The following SNTG2 variants were observed in gnomAD, a reference collection of about 807,000 sequenced individuals.
SNTG2 encodes the protein gamma-2-syntrophin.
A neutral mutation model predicts 70.9 loss-of-function variants in SNTG2; 74 were observed. The observed-to-expected ratio is 1.04, with a 90% CI of 0.86 to 1.27. The LOEUF (loss-of-function observed/expected upper bound fraction) is 1.27, where lower values mean the gene tolerates loss of function less well. Ranked by LOEUF, SNTG2 falls within the 50% of genes most tolerant of loss-of-function variation. The pLI is 0.00. For missense variants in SNTG2, 717 were observed against 690.7 expected, an observed-to-expected ratio of 1.04 and a Z score of -0.43; for synonymous variants, 278 against 273.8, an observed-to-expected ratio of 1.02 and a Z score of -0.15.
intron 6 of SNTG2, among the ~76,000 whole-genome samples, chr2:1,164,863 G>A (rs1670602002): frequency 6.6e-6 from 1 of 152,242 alleles, no homozygotes; most frequent in Non-Finnish European, 1.5e-5. Context: ...GCAGAGGAGG[G>A]TTATGCATTA....
intron 1 of SNTG2, among the ~76,000 whole-genome samples, chr2:1,082,794 C>G (rs1664421171): frequency 1.3e-5 from 2 of 152,240 alleles, no homozygotes; most frequent in East Asian, 3.8e-4. Flanking sequence ...CCCTGACTCT[C>G]CCGGAGGAGG....
intron 1 of SNTG2, among the ~76,000 whole-genome samples, chr2:954,785 G>C (rs1203021443): frequency 6.6e-6 from 1 of 152,130 alleles, no homozygotes; most frequent in South Asian, 2.1e-4. Context: ...TCCAGGGACC[G>C]TGCTGCTTCT....
Position 1,165,649 on chromosome 2 carries a change from G to C in SNTG2, c.499+14G>C. The C allele has an allele frequency of 6.2e-7, 1 of 1,601,972 alleles. No individual in the cohort carries two copies. The highest frequency in any genetic ancestry group is 8.5e-7 in the Non-Finnish European group (1 of 1,172,700). ...AGCTCCCGTTAGGTAAGTGGGAAGA[G>C]GAGAAATGCCAGGGTGCTGGAGAAA... On this transcript the variant is annotated intron_variant, in intron 7 of 16. Transcript: ENST00000308624.
intron 4 of SNTG2, among the ~76,000 whole-genome samples, chr2:1,118,258 C>CGCTGAGAAAGATCCCCTCA (rs1161871476): frequency 1.3e-5 from 2 of 152,060 alleles, no homozygotes; most frequent in Non-Finnish European, 2.9e-5. Context: ...TCAGACCCTG[C>CGCTGAGAAAGATCCCCTCA]GCTGAGAAAG....
chr2:1,081,709 G>A (rs1664309115), intron 1 of SNTG2, among the ~76,000 whole-genome samples: 1 of 152,216 alleles, frequency 6.6e-6, no homozygotes, highest in Admixed American at 6.5e-5. Flanking sequence ...AGCCGTGGCA[G>A]CACTCCCAGT....
At chr2:1,179,035 G>A (rs1389467798) in intron 8 of SNTG2, among the ~76,000 whole-genome samples, 4 of 151,952 alleles carry the variant, frequency 2.6e-5, no homozygotes, top group Admixed American at 1.3e-4. Flanking sequence ...GTCTTGGGAG[G>A]GTGTATGTGT....
At chr2:998,443 G>A (rs1195010636) in intron 1 of SNTG2, among the ~76,000 whole-genome samples, 2 of 151,866 alleles carry the variant, frequency 1.3e-5, no homozygotes, top group Non-Finnish European at 2.9e-5. Context: ...TTACCAAAGA[G>A]ATAGATATTA....
At chr2:1,049,417 A>T (rs952301815) in intron 1 of SNTG2, among the ~76,000 whole-genome samples, 13 of 151,876 alleles carry the variant, frequency 8.6e-5, no homozygotes, top group African/African-American at 3.1e-4. Context: ...CACAATATGG[A>T]GCCTTTACAG....
chr2:1,173,000 C>T, intron 7 of SNTG2, 92 bp from the exon 8 acceptor site: 1 of 1,174,180 alleles, frequency 8.5e-7, no homozygotes, highest in Non-Finnish European at 1.3e-6. Context: ...CTGGTAACTT[C>T]CCATGCACAG....
At chr2:1,119,633 A>T (rs1572489601) in intron 4 of SNTG2, among the ~76,000 whole-genome samples, 1 of 151,422 alleles carries the variant, frequency 6.6e-6, no homozygotes, top group Non-Finnish European at 1.5e-5. Flanking sequence ...CATAAGCTTC[A>T]TAATATCCAC....
intron 8 of SNTG2, 91 bp from the exon 9 acceptor site, chr2:1,209,012 G>C: frequency 3.3e-6 from 5 of 1,498,030 alleles, no homozygotes; most frequent in Non-Finnish European, 4.5e-6. Context: ...TGTTGGACTT[G>C]AGTTCTGTGT....
At chr2:1,365,318 C>T (rs745940184) in intron 16 of SNTG2, among the ~76,000 whole-genome samples, 2 of 152,138 alleles carry the variant, frequency 1.3e-5, no homozygotes, top group Non-Finnish European at 2.9e-5. Flanking sequence ...GAATACACCT[C>T]AACATCTTGA....
At chr2:1,203,671 A>T (rs60548146) in intron 8 of SNTG2, among the ~76,000 whole-genome samples, 8,763 of 65,514 alleles carry the variant, frequency 0.13, 402 homozygotes, top group Non-Finnish European at 0.18. Flanking sequence ...AACAAAAAAA[A>T]AAATATATAT....
At chr2:1,190,029 A>G (rs1186455017) in intron 8 of SNTG2, among the ~76,000 whole-genome samples, 1 of 152,184 alleles carries the variant, frequency 6.6e-6, no homozygotes, top group Non-Finnish European at 1.5e-5. Flanking sequence ...GGAAAGGGAA[A>G]GACTGTTCAT....
intron 1 of SNTG2, among the ~76,000 whole-genome samples, chr2:1,080,140 G>A (rs1664189649): frequency 1.3e-5 from 2 of 151,512 alleles, no homozygotes; most frequent in African/African-American, 2.5e-5. Flanking sequence ...GGGGACAAGC[G>A]ATGGCTTAGT....
chr2:1,149,705 T>TTTC (rs1558458440), intron 6 of SNTG2, among the ~76,000 whole-genome samples: 1 of 4,322 alleles, frequency 2.3e-4, no homozygotes, highest in Non-Finnish European at 5.4e-4. Flanking sequence ...TTTTTTTTTT[T>TTTC]CAAATGGAAT....
At chr2:1,203,690 A>ATATATATATATGTGTG (rs150383929) in intron 8 of SNTG2, among the ~76,000 whole-genome samples, 5 of 141,302 alleles carry the variant, frequency 3.5e-5, no homozygotes, top group African/African-American at 1.3e-4. Context: ...ATATATATAT[A>ATATATATATATGTGTG]TGTGTGTGTG....
chr2:1,262,046 G>A (rs1024884552), intron 13 of SNTG2, among the ~76,000 whole-genome samples: 1 of 152,302 alleles, frequency 6.6e-6, no homozygotes, highest in East Asian at 1.9e-4. Context: ...TCAACACTGA[G>A]AGGAAGAATT....
intron 15 of SNTG2, among the ~76,000 whole-genome samples, chr2:1,311,718 C>T (rs1681001059): frequency 6.6e-6 from 1 of 152,264 alleles, no homozygotes; most frequent in Non-Finnish European, 1.5e-5. Context: ...CTCCGGTACC[C>T]ACATGCCCTC....
Sources: gnomAD v4.1 joint callset for allele counts (sites outside exome capture counted in the v4.1 genomes callset) on GRCh38, gnomAD v4.1.1 for gene constraint, MANE v1.5 for transcripts, NCBI Gene and HGNC (gene_info 2026-07-23, HGNC 2026-07-21) for gene names.